The following AGFG1 variants were observed in gnomAD, a reference collection of about 807,000 sequenced individuals.
The protein encoded by AGFG1 is arf-GAP domain and FG repeat-containing protein 1.
In AGFG1, 10 loss-of-function variants were observed where a neutral mutation model predicts 60.6. The observed-to-expected ratio is 0.16, with a 90% CI of 0.10 to 0.28. The LOEUF (loss-of-function observed/expected upper bound fraction) is 0.28. Ranked by LOEUF, AGFG1 falls within the 10% of genes least tolerant of loss-of-function variation. The pLI, the probability that AGFG1 is intolerant of heterozygous loss-of-function variation, is 1.00. For synonymous variants in AGFG1, 247 were observed against 242.9 expected (o/e 1.02, Z -0.16); for missense variants, 537 against 676.5 (o/e 0.79, Z 2.29).
intron 2 of AGFG1, among the ~76,000 whole-genome samples, chr2:227,509,312 CCTGTA>C (rs1255988401): frequency 6.6e-6 from 1 of 152,036 alleles, no homozygotes; most frequent in Non-Finnish European, 1.5e-5. Context: ...AAACAGCTGG[CCTGTA>C]CTCTTCAAAG....
Position 227,551,321 on chromosome 2 carries a change from C to T in AGFG1, c.1379-638C>T, listed in dbSNP as rs141695349. On this transcript the variant is annotated intron_variant, in intron 10 of 12. Coordinates refer to ENST00000310078, the MANE Select transcript of AGFG1 (RefSeq NM_004504.5). ...TTACCTTCCATAAGAGGGTGGGAGT[C>T]GTGTGTGTGTGTGTGTATGGAATTG... Among the ~76,000 whole-genome samples, 1,365 of 150,788 alleles carry T rather than the reference C, an allele frequency of 9.1e-3. 5 individuals carry two copies. Among genetic ancestry groups the T allele is most frequent in the Middle Eastern group, 0.024 (7 of 294 alleles).
At chr2:227,549,011 C>CTTTT (rs5839222) in intron 10 of AGFG1, among the ~76,000 whole-genome samples, 1 of 148,398 alleles carries the variant, frequency 6.7e-6, no homozygotes, top group Non-Finnish European at 1.5e-5. Context: ...CTCAGTTAAC[C>CTTTT]TTTTTTTTTT....
rs188330387 is a variant in AGFG1, at chr2:227,489,865, G to T, written c.168-1682G>T. ...GAATCTTGCTCTGTTTTCCAGGATGGAGTGCAGTGGCACGATCTTGGCTCA... is the reference window on the plus strand; with the variant it reads ...GAATCTTGCTCTGTTTTCCAGGATGTAGTGCAGTGGCACGATCTTGGCTCA... On this transcript the variant is annotated intron_variant, in intron 1 of 12. Coordinates refer to ENST00000310078, the MANE Select transcript of AGFG1 (RefSeq NM_004504.5). 3.3e-5 allele frequency among the ~76,000 whole-genome samples: 5 copies of T among 151,888 alleles called. No individual in the cohort carries two copies. The East Asian group carries it at 9.7e-4, about 30-fold the overall frequency.
At position 227,473,262 on chromosome 2, in the gene AGFG1, G is replaced by T. The variant is rs180722303; in HGVS notation, c.167+674G>T. Among the ~76,000 whole-genome samples, 4 of 152,332 alleles carry T rather than the reference G, an allele frequency of 2.6e-5. No homozygotes were observed. In the South Asian group the frequency reaches 8.3e-4, roughly 32 times the overall value. On this transcript the variant is annotated intron_variant, in intron 1 of 12. Coordinates refer to ENST00000310078, the MANE Select transcript of AGFG1 (RefSeq NM_004504.5). The stretch of plus-strand genomic sequence containing the variant: ...AAGTTCGAAAGGATTAATTGCGGGA[G>T]GGGGAGGCAGAGGAGCAGATTTGAA...
intron 2 of AGFG1, 34 bp from the exon 3 acceptor site, chr2:227,519,914 A>G (rs1265950467): frequency 1.5e-6 from 2 of 1,310,098 alleles, no homozygotes; most frequent in East Asian, 2.5e-5. Flanking sequence ...GAAGATGTTG[A>G]ATTTAACATA....
At chr2:227,520,564 A>G (rs1388280397) in intron 3 of AGFG1, among the ~76,000 whole-genome samples, 3 of 152,208 alleles carry the variant, frequency 2.0e-5, no homozygotes, top group Non-Finnish European at 4.4e-5. Flanking sequence ...CTTTCTGGTT[A>G]AGAAGGGAGC....
At chr2:227,532,150 T>C in intron 6 of AGFG1, 6 of 1,547,708 alleles carry the variant, frequency 3.9e-6, no homozygotes, top group Non-Finnish European at 4.4e-6. Flanking sequence ...TTTAGAATGC[T>C]TTCATCTAGC....
chr2:227,492,426 T>C (rs976307199), intron 2 of AGFG1, among the ~76,000 whole-genome samples: 4 of 152,230 alleles, frequency 2.6e-5, no homozygotes, highest in East Asian at 1.9e-4. Flanking sequence ...AGTAGTACTT[T>C]AGTGGTACTC....
chr2:227,510,898 C>A (rs1691478885), intron 2 of AGFG1: 1 of 152,092 alleles, frequency 6.6e-6, no homozygotes, highest in Non-Finnish European at 1.5e-5. Context: ...CATTATATTT[C>A]TCTCTAGTAT....
chr2:227,518,912 C>T (rs980132818), intron 2 of AGFG1, among the ~76,000 whole-genome samples: 10 of 152,160 alleles, frequency 6.6e-5, no homozygotes, highest in Non-Finnish European at 1.2e-4. Context: ...GTGGCTCGCG[C>T]CTGTAATCCC....
rs1691635589 is a variant in AGFG1, at chr2:227,559,487, A to T, written c.*4992A>T. On this transcript the variant is annotated 3_prime_UTR_variant, in exon 13 of 13. Coordinates refer to ENST00000310078, the MANE Select transcript of AGFG1 (RefSeq NM_004504.5). Reference sequence around the variant, plus strand: ...ATTCTAGTGGATAAAAATTCAACGTATATTTAAGTGTATTTTTGACATCTG... The same window carrying T: ...ATTCTAGTGGATAAAAATTCAACGTTTATTTAAGTGTATTTTTGACATCTG... 6.6e-6 allele frequency: 1 copy of T among 152,146 alleles called. No homozygotes were observed. Among genetic ancestry groups the T allele is most frequent in the Non-Finnish European group, 1.5e-5 (1 of 68,008 alleles). 9.4% of individuals were successfully genotyped at this position (152,146 alleles called of 1,614,324 possible).
chr2:227,472,403 CT>C lies in AGFG1; in HGVS notation c.-18del. ...CCCGGCTCCCGGCCCTGCCGGCCTC[CT>C]CCCTTGGCGCCGCGGCCATGGCGGC... On this transcript the variant is annotated 5_prime_UTR_variant, in exon 1 of 13. Coordinates refer to ENST00000310078, the MANE Select transcript of AGFG1 (RefSeq NM_004504.5). 7.0e-7 allele frequency: 1 copy of C among 1,435,212 alleles called. No homozygotes were observed. Among genetic ancestry groups the C allele is most frequent in the Non-Finnish European group, 9.2e-7 (1 of 1,083,412 alleles). 88.9% of individuals were successfully genotyped at this position (1,435,212 alleles called of 1,614,324 possible).
rs1334472619 is a variant in AGFG1 at position 227,558,586 on chromosome 2, G to A, written c.*4091G>A. 3 of 152,066 alleles carry A rather than the reference G, an allele frequency of 2.0e-5. No homozygotes were observed. The highest frequency in any genetic ancestry group is 7.2e-5 in the African/African-American group (3 of 41,486). 9.4% of individuals were successfully genotyped at this position (152,066 alleles called of 1,614,324 possible). Reference sequence around the variant, plus strand: ...TATTAAAATTTGTATTTAACCTGTTGTATTCATCCTCATTAGTTAAGTTTT... The same window carrying A: ...TATTAAAATTTGTATTTAACCTGTTATATTCATCCTCATTAGTTAAGTTTT... On this transcript the variant is annotated 3_prime_UTR_variant, in exon 13 of 13. Transcript: ENST00000310078.
At position 227,552,024 on chromosome 2, in the gene AGFG1, C is replaced by G; in HGVS notation, c.1444C>G (p.Leu482Val). ...TGFGTPAPYSLPTSFSGSFQQ... is the reference protein window; with the variant it reads ...TGFGTPAPYSVPTSFSGSFQQ... The stretch of plus-strand genomic sequence containing the variant: ...ATTCGGCACTCCTGCTCCCTACAGT[C>G]TTCCCACCAGCTTTAGTGGCAGCTT... Residue 482 changes from leucine (L) to valine (V), a missense_variant, in exon 11 of 13, where the codon CTT becomes GTT. Transcript: ENST00000310078. 1 of 1,614,212 alleles carries G rather than the reference C, an allele frequency of 6.2e-7. No individual in the cohort carries two copies. Among genetic ancestry groups the G allele is most frequent in the Non-Finnish European group, 8.5e-7 (1 of 1,180,038 alleles).
rs554228427 is a variant in AGFG1 at position 227,540,722 on chromosome 2, G to A, written c.1378+3729G>A. Among the ~76,000 whole-genome samples, 6 of 152,292 alleles carry A rather than the reference G, an allele frequency of 3.9e-5. No homozygotes were observed. The South Asian group carries it at 1.2e-3, about 32-fold the overall frequency. ...TTGGGTATATACCCAGTAATGGGAT[G>A]GTTGGGTCAAATGGTATTTCTAGTT... On this transcript the variant is annotated intron_variant, in intron 10 of 12. Coordinates refer to ENST00000310078, the MANE Select transcript of AGFG1 (RefSeq NM_004504.5).
chr2:227,501,869 T>A (rs1691167377), intron 2 of AGFG1, among the ~76,000 whole-genome samples: 1 of 151,830 alleles, frequency 6.6e-6, no homozygotes. Flanking sequence ...TCCTTTTTTA[T>A]TTTTTTTGAG....
At chr2:227,497,857 G>T (rs2106178121) in intron 2 of AGFG1, among the ~76,000 whole-genome samples, 1 of 144,430 alleles carries the variant, frequency 6.9e-6, no homozygotes, top group East Asian at 2.1e-4. Flanking sequence ...TGATTCTCCT[G>T]CCTCAGCCTC....
At chr2:227,512,396 T>A (rs1195464342) in intron 2 of AGFG1, among the ~76,000 whole-genome samples, 6 of 152,246 alleles carry the variant, frequency 3.9e-5, no homozygotes, top group Admixed American at 1.3e-4. Flanking sequence ...TTTAGATATG[T>A]GTCAGTCAGA....
intron 2 of AGFG1, among the ~76,000 whole-genome samples, chr2:227,492,591 ATTGT>A (rs1183334388): frequency 6.6e-6 from 1 of 152,112 alleles, no homozygotes; most frequent in Non-Finnish European, 1.5e-5. Context: ...ATACCTTAAA[ATTGT>A]TTGCCTACTT....
Sources: gnomAD v4.1 joint callset for allele counts (sites outside exome capture counted in the v4.1 genomes callset) on GRCh38, gnomAD v4.1.1 for gene constraint, MANE v1.5 for transcripts, NCBI Gene and HGNC (gene_info 2026-07-23, HGNC 2026-07-21) for gene names.